The following MSH3 variants were observed in gnomAD, a reference collection of about 807,000 sequenced individuals.
The protein encoded by MSH3 is mutS homolog 3.
Under a neutral mutation model 123.3 loss-of-function variants are expected in MSH3, and 106 were observed. That is an observed-to-expected ratio of 0.86 (90% CI 0.73 to 1.01). The LOEUF is 1.01. Among genes scored for constraint, MSH3 ranks in the 50% least tolerant of loss-of-function variants. MSH3 has a pLI of 0.00. For synonymous variants in MSH3, 515 were observed against 481.4 expected, an observed-to-expected ratio of 1.07 and a Z score of -0.91; for missense variants, 1,459 against 1,347.6, an observed-to-expected ratio of 1.08 and a Z score of -1.29.
chr5:80,816,916 A>G (rs922615048), intron 20 of MSH3, among the ~76,000 whole-genome samples: 1 of 152,184 alleles, frequency 6.6e-6, no homozygotes, highest in Non-Finnish European at 1.5e-5. Context: ...TTATTCTGAG[A>G]CATTCAAAGG....
chr5:80,703,527 A>G (rs1445259122), intron 8 of MSH3, among the ~76,000 whole-genome samples: 1 of 152,020 alleles, frequency 6.6e-6, no homozygotes, highest in African/African-American at 2.4e-5. Flanking sequence ...CCAGAGAGAC[A>G]CATAGCTTAG....
intron 20 of MSH3, among the ~76,000 whole-genome samples, chr5:80,832,430 G>A (rs990084426): frequency 5.3e-5 from 8 of 152,216 alleles, no homozygotes; most frequent in South Asian, 4.1e-4. Context: ...GACCAGGCTG[G>A]CCAACATGGT....
At chr5:80,659,381 C>T (rs1749375786) in intron 2 of MSH3, among the ~76,000 whole-genome samples, 1 of 152,192 alleles carries the variant, frequency 6.6e-6, no homozygotes, top group African/African-American at 2.4e-5. Flanking sequence ...AAACCCTGTG[C>T]CCATTAACAG....
intron 3 of MSH3, among the ~76,000 whole-genome samples, chr5:80,667,457 C>T (rs1749596832): frequency 6.6e-6 from 1 of 152,186 alleles, no homozygotes. Flanking sequence ...GGTGCCTTTG[C>T]CCGAGTTTTT....
At chr5:80,791,146 G>C (rs1744599867) in intron 18 of MSH3, among the ~76,000 whole-genome samples, 1 of 151,572 alleles carries the variant, frequency 6.6e-6, no homozygotes, top group South Asian at 2.1e-4. Flanking sequence ...AAATTTACTT[G>C]ATACAATTTA....
intron 12 of MSH3, among the ~76,000 whole-genome samples, chr5:80,750,767 G>A (rs1743820140): frequency 6.6e-6 from 1 of 152,014 alleles, no homozygotes. Flanking sequence ...GTTGTCTATA[G>A]TTTGGTTCCT....
At chr5:80,657,983 A>G (rs1749328715) in intron 2 of MSH3, among the ~76,000 whole-genome samples, 1 of 140,490 alleles carries the variant, frequency 7.1e-6, no homozygotes, top group African/African-American at 2.7e-5. Flanking sequence ...TATGATTTTT[A>G]TTCTAGAGGC....
chr5:80,728,988 A>T, intron 10 of MSH3, 23 bp downstream of exon 10: 1 of 1,267,164 alleles, frequency 7.9e-7, no homozygotes, highest in Non-Finnish European at 1.2e-6. Context: ...TCCAAAATTA[A>T]AAAAAGGGGG....
chr5:80,792,007 A>G (rs1257515773), intron 18 of MSH3, among the ~76,000 whole-genome samples: 1 of 152,220 alleles, frequency 6.6e-6, no homozygotes, highest in Non-Finnish European at 1.5e-5. Context: ...TGATTCTTGT[A>G]TCAAAGTAAA....
chr5:80,654,914 C>T lies in MSH3; in HGVS notation c.187C>T (p.Pro63Ser), dbSNP rs2405876. The change falls in exon 1 of 24, where the codon CCC (proline) becomes TCC (serine). Residue 63 changes from proline (P) to serine (S), a missense_variant. By Grantham distance (74) the Pro-to-Ser change is moderately conservative. Coordinates refer to ENST00000265081, the MANE Select transcript of MSH3 (RefSeq NM_002439.5). The stretch of plus-strand genomic sequence containing the variant: ...TGCAGCGGCCGCAGCGGCCGCAGCG[C>T]CCCCAGCGCCCCCAGCTCCCGCCTT... ...AAAAAAAAAA[P>S]PAPPAPAFPP... 2.7e-6 allele frequency: 4 copies of T among 1,477,694 alleles called. No homozygotes were observed. In the Admixed American group the frequency reaches 6.9e-5, roughly 25 times the overall value. 91.5% of individuals were successfully genotyped at this position (1,477,694 alleles called of 1,614,324 possible).
At chr5:80,772,359 G>A (rs908393095) in intron 15 of MSH3, among the ~76,000 whole-genome samples, 1 of 152,142 alleles carries the variant, frequency 6.6e-6, no homozygotes, top group African/African-American at 2.4e-5. Flanking sequence ...GAATGAAATT[G>A]GGGGATTGGA....
At chr5:80,870,152 C>T (rs992068457) in intron 22 of MSH3, among the ~76,000 whole-genome samples, 15 of 108,696 alleles carry the variant, frequency 1.4e-4, no homozygotes, top group Admixed American at 2.4e-4. Context: ...CCAGCTTGGG[C>T]AACAAGAGCG....
intron 7 of MSH3, among the ~76,000 whole-genome samples, chr5:80,678,123 T>C (rs1749882977): frequency 6.6e-6 from 1 of 152,186 alleles, no homozygotes; most frequent in African/African-American, 2.4e-5. Context: ...TTTTTCCTCT[T>C]TTTAGCTAAT....
rs537144501 is a variant in MSH3, at chr5:80,862,637, G to A, written c.3001-2176G>A. ...TAGCCAGGCATAGTGGTGCACACCT[G>A]TAGTCCTAGCTACTTGGGAAGTTGA... On this transcript the variant is annotated intron_variant, in intron 21 of 23. Coordinates refer to ENST00000265081, the MANE Select transcript of MSH3 (RefSeq NM_002439.5). Among the ~76,000 whole-genome samples, 10 of 152,232 alleles carry A rather than the reference G, an allele frequency of 6.6e-5. No individual in the cohort carries two copies. The East Asian group carries it at 1.9e-3, about 29-fold the overall frequency.
At chr5:80,699,050 G>T (rs1393985010) in intron 8 of MSH3, among the ~76,000 whole-genome samples, 1 of 152,162 alleles carries the variant, frequency 6.6e-6, no homozygotes, top group African/African-American at 2.4e-5. Flanking sequence ...AGTTTCCTGT[G>T]ACAGAGACTG....
In MSH3 at chr5:80,873,126, A is replaced by G. The variant is rs1292371197; in HGVS notation, c.3141A>G (p.Glu1047=). Residue 1047 remains glutamate, a synonymous_variant, in exon 23 of 24, where the codon GAA becomes GAG. Transcript: ENST00000265081. ...TTCTTTATTTCACAGGCGCAGCAGA[A>G]CAAGTCCCTGATTTTGTCACCTTCC... The part of the protein sequence containing the change: ...DESKLDPGAA[E]QVPDFVTFLY... The G allele has an allele frequency of 6.2e-7, 1 of 1,613,490 alleles. No individual in the cohort carries two copies. The highest frequency in any genetic ancestry group is 2.2e-5 in the East Asian group (1 of 44,822).
chr5:80,709,491 G>A (rs1490391872), intron 8 of MSH3, among the ~76,000 whole-genome samples: 1 of 151,952 alleles, frequency 6.6e-6, no homozygotes, highest in Non-Finnish European at 1.5e-5. Context: ...GCGCAGTGGC[G>A]GGTGCCTGTA....
intron 20 of MSH3, among the ~76,000 whole-genome samples, chr5:80,837,746 A>G (rs1252733117): frequency 6.6e-6 from 1 of 152,170 alleles, no homozygotes. Flanking sequence ...AGCAACACAC[A>G]TTTATTATAT....
chr5:80,661,188 T>C (rs1202732252), intron 2 of MSH3, among the ~76,000 whole-genome samples: 1 of 152,186 alleles, frequency 6.6e-6, no homozygotes, highest in African/African-American at 2.4e-5. Context: ...GGTTTATAGG[T>C]CTTATTAAAT....
Sources: gnomAD v4.1 joint callset for allele counts (sites outside exome capture counted in the v4.1 genomes callset) on GRCh38, gnomAD v4.1.1 for gene constraint, MANE v1.5 for transcripts, NCBI Gene and HGNC (gene_info 2026-07-23, HGNC 2026-07-21) for gene names.